Variants in SKA2 observed in about 807,000 individuals in gnomAD.
The protein encoded by SKA2 is spindle and kinetochore-associated protein 2.
Under a neutral mutation model 16.9 loss-of-function variants are expected in SKA2, and 13 were observed. That is an observed-to-expected ratio of 0.77 (90% CI 0.50 to 1.22). The LOEUF (loss-of-function observed/expected upper bound fraction) is 1.22. Ranked by LOEUF, SKA2 falls within the 50% of genes most tolerant of loss-of-function variation. The pLI is 0.00. For synonymous variants in SKA2, 47 were observed against 48.5 expected (o/e 0.97, Z 0.13); for missense variants, 107 against 139.7 (o/e 0.77, Z 1.18).
At chr17:59,150,492 T>A (rs1568312681) in intron 1 of SKA2, among the ~76,000 whole-genome samples, 1 of 152,130 alleles carries the variant, frequency 6.6e-6, no homozygotes, top group Non-Finnish European at 1.5e-5. Flanking sequence ...ATCCCAGCAC[T>A]CTGGGAGGCC....
chr17:59,135,851 T>C (rs2046441119), intron 1 of SKA2, among the ~76,000 whole-genome samples: 1 of 148,870 alleles, frequency 6.7e-6, no homozygotes, highest in South Asian at 2.1e-4. Context: ...TTTTAAAAAA[T>C]ATAAAATAAT....
At chr17:59,142,346 A>G (rs1305908844) in intron 1 of SKA2, among the ~76,000 whole-genome samples, 1 of 148,254 alleles carries the variant, frequency 6.7e-6, no homozygotes, top group Non-Finnish European at 1.5e-5. Flanking sequence ...GCTGGAGTGC[A>G]ATGATGTGAT....
At position 59,139,344 on chromosome 17, in the gene SKA2, C is replaced by A. The variant is rs112823388; in HGVS notation, c.34-7977G>T. 8.9e-3 allele frequency among the ~76,000 whole-genome samples: 1,323 copies of A among 148,428 alleles called. 27 individuals carry two copies. The highest frequency in any genetic ancestry group is 0.03 in the African/African-American group (1,218 of 40,014). On this transcript the variant is annotated intron_variant, in intron 1 of 3. Transcript: ENST00000330137. The stretch of plus-strand genomic sequence containing the variant: ...CCTGGGAGGCAGAGGTTGCAGAGAG[C>A]CGAGATGGCGCCACTGCACTCCAGC...
At chr17:59,145,975 G>T (rs1033917439) in intron 1 of SKA2, among the ~76,000 whole-genome samples, 2 of 151,462 alleles carry the variant, frequency 1.3e-5, no homozygotes, top group African/African-American at 4.9e-5. Context: ...GGGTGACAGA[G>T]TGAGACCCTA....
intron 1 of SKA2, among the ~76,000 whole-genome samples, chr17:59,152,712 T>C (rs570886347): frequency 6.6e-6 from 1 of 152,212 alleles, no homozygotes; most frequent in Non-Finnish European, 1.5e-5. Context: ...AAGTATAACA[T>C]TTTTTTCTAG....
intron 3 of SKA2, among the ~76,000 whole-genome samples, chr17:59,114,889 A>C (rs2046286172): frequency 6.6e-6 from 1 of 152,186 alleles, no homozygotes; most frequent in Admixed American, 6.6e-5. Flanking sequence ...CCCCAGACCT[A>C]CAGAATCAGA....
intron 3 of SKA2, among the ~76,000 whole-genome samples, chr17:59,115,220 A>AT (rs2046288548): frequency 6.6e-6 from 1 of 151,542 alleles, no homozygotes; most frequent in Non-Finnish European, 1.5e-5. Flanking sequence ...TGCCTGGCTA[A>AT]TTTTTTGTAT....
chr17:59,136,049 C>G (rs991569542), intron 1 of SKA2, among the ~76,000 whole-genome samples: 1 of 150,992 alleles, frequency 6.6e-6, no homozygotes, highest in Non-Finnish European at 1.5e-5. Flanking sequence ...ATAGTGAGAC[C>G]CCATCTCCAA....
chr17:59,117,569 TTTC>T (rs765613232), intron 3 of SKA2, among the ~76,000 whole-genome samples: 81 of 151,920 alleles, frequency 5.3e-4, no homozygotes, highest in Non-Finnish European at 7.5e-4. Context: ...AAAATATTTT[TTTC>T]TTCTTCTTTT....
chr17:59,110,053 A>G lies in SKA2; in HGVS notation c.*2224T>C, dbSNP rs1269737334. 2 of 152,220 alleles carry G rather than the reference A, an allele frequency of 1.3e-5. No individual in the cohort carries two copies. Among genetic ancestry groups the G allele is most frequent in the Non-Finnish European group, 2.9e-5 (2 of 68,044 alleles). 9.4% of individuals were successfully genotyped at this position (152,220 alleles called of 1,614,324 possible). A position where few individuals can be genotyped will look rare whatever the true frequency, so the allele number is the denominator to read the frequency against. On this transcript the variant is annotated 3_prime_UTR_variant, in exon 4 of 4. Coordinates refer to ENST00000330137, the MANE Select transcript of SKA2 (RefSeq NM_182620.4). ...GACAACAGAATAGTGGCTATTAACA[A>G]TAAAATCAGTAAGTATTCTGGACAT...
chr17:59,124,065 G>C (rs760670495), intron 2 of SKA2, among the ~76,000 whole-genome samples: 2 of 152,188 alleles, frequency 1.3e-5, no homozygotes, highest in Non-Finnish European at 2.9e-5. Context: ...GAGGGTGGGA[G>C]TGTGAAGCAT....
chr17:59,128,546 A>G (rs2046386997), intron 2 of SKA2, among the ~76,000 whole-genome samples: 1 of 151,892 alleles, frequency 6.6e-6, no homozygotes, highest in South Asian at 2.1e-4. Context: ...GAGTTGCTTG[A>G]ACTCGGAAGG....
At chr17:59,144,081 C>T (rs1475181905) in intron 1 of SKA2, among the ~76,000 whole-genome samples, 1 of 151,856 alleles carries the variant, frequency 6.6e-6, no homozygotes, top group Non-Finnish European at 1.5e-5. Context: ...GCTTGAACCC[C>T]AGAGGCCGAG....
chr17:59,132,361 A>G (rs1352630263), intron 1 of SKA2, among the ~76,000 whole-genome samples: 1 of 149,602 alleles, frequency 6.7e-6, no homozygotes, highest in East Asian at 1.9e-4. Flanking sequence ...CGTCTCCACA[A>G]AAAAAAAAAT....
At chr17:59,153,339 T>C (rs558870989) in intron 1 of SKA2, among the ~76,000 whole-genome samples, 1 of 152,196 alleles carries the variant, frequency 6.6e-6, no homozygotes, top group Non-Finnish European at 1.5e-5. Flanking sequence ...TTTTAAATGA[T>C]AATAAAACTT....
intron 1 of SKA2, 75 bp from the exon 2 acceptor site, chr17:59,131,442 T>C (rs757174388): frequency 4.2e-4 from 418 of 991,164 alleles, no homozygotes; most frequent in Non-Finnish European, 5.8e-4. Flanking sequence ...TCTTTTTTTC[T>C]CTTTACATTT....
intron 1 of SKA2, among the ~76,000 whole-genome samples, chr17:59,153,937 A>T (rs2147825336): frequency 6.6e-6 from 1 of 152,040 alleles, no homozygotes; most frequent in East Asian, 1.9e-4. Context: ...ACACCCGGCT[A>T]ATTTTTTTAT....
At chr17:59,115,248 G>T (rs971112884) in intron 3 of SKA2, among the ~76,000 whole-genome samples, 1 of 151,608 alleles carries the variant, frequency 6.6e-6, no homozygotes, top group South Asian at 2.1e-4. Context: ...GTAGAGACGG[G>T]GGTTTCACCG....
intron 2 of SKA2, among the ~76,000 whole-genome samples, chr17:59,125,967 C>T (rs1415527204): frequency 3.3e-5 from 5 of 151,916 alleles, no homozygotes; most frequent in African/African-American, 1.2e-4. Context: ...GTCAGGAGAT[C>T]GAGACCATCC....
Sources: allele counts gnomAD v4.1 joint callset (sites outside exome capture counted in the v4.1 genomes callset), GRCh38; gene constraint gnomAD v4.1.1; transcripts MANE v1.5; gene names NCBI Gene and HGNC (gene_info 2026-07-23, HGNC 2026-07-21).